RHOBTB2: variants seen among roughly 807,000 people sequenced by gnomAD.
The protein encoded by RHOBTB2 is Rho related BTB domain containing 2, also known as rho-related BTB domain-containing protein 2.
Under a neutral mutation model 66.5 loss-of-function variants are expected in RHOBTB2, and 39 were observed. The observed-to-expected ratio is 0.59, with a 90% CI of 0.45 to 0.77. The LOEUF (loss-of-function observed/expected upper bound fraction) is 0.77. Ranked by LOEUF, RHOBTB2 falls within the 30% of genes least tolerant of loss-of-function variation. RHOBTB2 has a pLI of 0.00. For synonymous variants in RHOBTB2, 390 were observed against 395.0 expected (o/e 0.99, Z 0.15); for missense variants, 755 against 999.1 (o/e 0.76, Z 3.29).
At chr8:23,001,202 G>T (rs1432819008) in intron 1 of RHOBTB2, among the ~76,000 whole-genome samples, 1 of 152,134 alleles carries the variant, frequency 6.6e-6, no homozygotes. Flanking sequence ...TGAGTTGGGG[G>T]TTGTGATGCC....
chr8:23,011,692 G>A (rs369003307), intron 7 of RHOBTB2, among the ~76,000 whole-genome samples: 10 of 152,186 alleles, frequency 6.6e-5, no homozygotes, highest in Non-Finnish European at 1.2e-4. Context: ...GCAGGCAGAC[G>A]GCTCTCGTTC....
upstream of RHOBTB2, among the ~76,000 whole-genome samples, chr8:22,999,315 C>T (rs1166223927): frequency 6.6e-6 from 1 of 152,162 alleles, no homozygotes; most frequent in African/African-American, 2.4e-5. Context: ...GGGAAAACCC[C>T]GTGGGCGTCC....
At chr8:22,992,655 G>A (rs1373042537) in intron 2 of RHOBTB2, among the ~76,000 whole-genome samples, 1 of 152,162 alleles carries the variant, frequency 6.6e-6, no homozygotes, top group Non-Finnish European at 1.5e-5. Context: ...CCATCCCAGG[G>A]GACTTAGAGT....
the RHOBTB2 span, among the ~76,000 whole-genome samples, chr8:22,972,678 G>A: frequency 6.6e-6 from 1 of 152,358 alleles, no homozygotes; most frequent in East Asian, 1.9e-4. Context: ...CTGCGAAGAT[G>A]TGGAGGGTTG....
chr8:23,011,434 A>G (rs1811144879), intron 7 of RHOBTB2, among the ~76,000 whole-genome samples: 1 of 151,284 alleles, frequency 6.6e-6, no homozygotes, highest in South Asian at 2.1e-4. Flanking sequence ...TTCTTCCCCT[A>G]CCTTTGACAT....
chr8:22,986,861 C>T (rs1332584613), upstream of RHOBTB2, among the ~76,000 whole-genome samples: 1 of 152,210 alleles, frequency 6.6e-6, no homozygotes, highest in African/African-American at 2.4e-5. Flanking sequence ...TGGCCAGCCC[C>T]GGATGTCCGG....
chr8:22,995,524 T>A (rs967312087), upstream of RHOBTB2, among the ~76,000 whole-genome samples: 2 of 152,258 alleles, frequency 1.3e-5, no homozygotes, highest in Non-Finnish European at 2.9e-5. Context: ...TACACATTTA[T>A]CTGGTGAAAG....
the RHOBTB2 span, among the ~76,000 whole-genome samples, chr8:22,963,072 A>G: frequency 6.6e-6 from 1 of 152,212 alleles, no homozygotes; most frequent in African/African-American, 2.4e-5. Flanking sequence ...ACTAGAGACT[A>G]TATAGCAGGG....
At chr8:23,007,817 C>A (rs1811020043) in intron 5 of RHOBTB2, 71 bp downstream of exon 5, 1 of 1,564,668 alleles carries the variant, frequency 6.4e-7, no homozygotes, top group African/African-American at 1.4e-5. Context: ...TGTCTCAGCT[C>A]CTGGTGTCCT....
the RHOBTB2 span, among the ~76,000 whole-genome samples, chr8:22,970,603 TA>T: frequency 0.45 from 65,398 of 143,766 alleles, 15,123 homozygotes; most frequent in East Asian, 0.65. Context: ...ACTCTGTCCC[TA>T]AAAAAAAAAA....
chr8:23,014,912 G>A (rs746057658), intron 8 of RHOBTB2, 134 bp downstream of exon 8: 32 of 712,470 alleles, frequency 4.5e-5, no homozygotes, highest in East Asian at 8.2e-5. Flanking sequence ...TTGACTGCGC[G>A]TAGCCCATCT....
upstream of RHOBTB2, among the ~76,000 whole-genome samples, chr8:22,999,417 G>A (rs749086419): frequency 3.3e-5 from 5 of 151,400 alleles, no homozygotes; most frequent in Non-Finnish European, 7.4e-5. Context: ...CGGGAGGGGC[G>A]GAAGAGCGCG....
upstream of RHOBTB2, among the ~76,000 whole-genome samples, chr8:22,982,709 C>T (rs1400120519): frequency 6.6e-6 from 1 of 152,134 alleles, no homozygotes; most frequent in South Asian, 2.1e-4. Context: ...TGAAGAAAAC[C>T]CCATGGATCT....
the RHOBTB2 span, among the ~76,000 whole-genome samples, chr8:22,978,485 CAA>C: frequency 3.2e-5 from 2 of 62,752 alleles, no homozygotes; most frequent in Non-Finnish European, 6.7e-5. Context: ...AGATCTGTCT[CAA>C]AAAAAAAAAA....
the RHOBTB2 span, among the ~76,000 whole-genome samples, chr8:22,958,802 G>GAAAAAAAAAAAAAAA: frequency 3.8e-5 from 2 of 52,190 alleles, 1 homozygote. Context: ...GCCCCTCTCT[G>GAAAAAAAAAAAAAAA]AAAAAAAAAA....
intron 6 of RHOBTB2, among the ~76,000 whole-genome samples, chr8:23,008,406 G>T (rs1402333553): frequency 6.6e-6 from 1 of 152,146 alleles, no homozygotes; most frequent in African/African-American, 2.4e-5. Flanking sequence ...CTAGGAAAGG[G>T]AGCCCCTGAG....
upstream of RHOBTB2, chr8:22,994,568 G>A: frequency 6.4e-7 from 1 of 1,550,536 alleles, no homozygotes; most frequent in Non-Finnish European, 8.7e-7. Context: ...CAGGAGCCTG[G>A]AGGGAACACA....
At chr8:22,990,356 C>G (rs1414699427) in intron 1 of RHOBTB2, among the ~76,000 whole-genome samples, 1 of 152,206 alleles carries the variant, frequency 6.6e-6, no homozygotes, top group Non-Finnish European at 1.5e-5. Context: ...CCTCCACACC[C>G]CCAGCACCCC....
Position 23,006,855 on chromosome 8 carries a change from A to C in RHOBTB2, c.610A>C (p.Ile204Leu). The C allele has an allele frequency of 6.2e-7, 1 of 1,614,116 alleles. No individual in the cohort carries two copies. Among genetic ancestry groups the C allele is most frequent in the Non-Finnish European group, 8.5e-7 (1 of 1,179,982 alleles). ...FGIKDVFDNA[I>L]RAALISRRHL... ...CATCAAGGACGTCTTTGACAACGCCATCCGAGCTGCACTCATCTCCCGCCG... is the reference window on the plus strand; with the variant it reads ...CATCAAGGACGTCTTTGACAACGCCCTCCGAGCTGCACTCATCTCCCGCCG... Residue 204 changes from isoleucine to leucine, a missense_variant, in exon 5 of 10, where the codon ATC becomes CTC. Around this residue, in one of 7 missense-constraint regions of RHOBTB2, gnomAD observed 35 missense variants for 38.1 expected, o/e 0.92. Coordinates refer to ENST00000251822, the MANE Select transcript of RHOBTB2 (RefSeq NM_015178.3). This position sits in a 1 kb window ranked among gnomAD's most constrained non-coding sequence, Gnocchi z 6.1.
Sources: gnomAD v4.1 joint callset for allele counts (sites outside exome capture counted in the v4.1 genomes callset) on GRCh38, gnomAD v4.1.1 for gene constraint, gnomAD v4.1.1 regional missense constraint, Gnocchi (gnomAD v3.1) non-coding constraint, MANE v1.5 for transcripts, NCBI Gene and HGNC (gene_info 2026-07-23, HGNC 2026-07-21) for gene names.